Variants in RALYL observed in about 807,000 individuals in gnomAD.
RALYL encodes RNA-binding Raly-like protein.
A neutral mutation model predicts 35.1 loss-of-function variants in RALYL; 29 were observed. The ratio of observed to expected loss-of-function variants is 0.83; its 90% CI spans 0.61 to 1.13. RALYL has a LOEUF of 1.13. Among genes scored for constraint, RALYL ranks in the 50% most tolerant of loss-of-function variants. The pLI is 0.00. For synonymous variants in RALYL, 120 were observed against 127.6 expected (o/e 0.94, Z 0.40); for missense variants, 359 against 360.4 (o/e 1.00, Z 0.03).
intron 1 of RALYL, among the ~76,000 whole-genome samples, chr8:84,311,349 C>A (rs571890997): frequency 6.6e-6 from 1 of 152,034 alleles, no homozygotes; most frequent in Admixed American, 6.5e-5. Context: ...TAAGCATTAT[C>A]TTATCCAATA....
At chr8:84,653,955 C>A (rs1163326534) in intron 2 of RALYL, among the ~76,000 whole-genome samples, 1 of 151,250 alleles carries the variant, frequency 6.6e-6, no homozygotes, top group African/African-American at 2.4e-5. Context: ...TTCACTTATT[C>A]TCTGTCTGCC....
chr8:84,492,846 T>A (rs2055499967), intron 1 of RALYL, among the ~76,000 whole-genome samples: 1 of 147,502 alleles, frequency 6.8e-6, no homozygotes, highest in South Asian at 2.1e-4. Flanking sequence ...TTCAGAAGAG[T>A]CCCATTATTT....
At chr8:84,861,956 T>C (rs572325217) in intron 5 of RALYL, among the ~76,000 whole-genome samples, 1 of 152,352 alleles carries the variant, frequency 6.6e-6, no homozygotes, top group African/African-American at 2.4e-5. Context: ...AAATCTGTTT[T>C]ACCAAGCAAA....
At chr8:84,421,061 T>C (rs1329612225) in intron 1 of RALYL, among the ~76,000 whole-genome samples, 1 of 135,834 alleles carries the variant, frequency 7.4e-6, no homozygotes, top group Non-Finnish European at 1.5e-5. Flanking sequence ...AACTTTAAAG[T>C]AGTTTTTTCC....
chr8:84,344,707 C>A (rs1213622808), intron 1 of RALYL, among the ~76,000 whole-genome samples: 2 of 151,920 alleles, frequency 1.3e-5, no homozygotes, highest in Non-Finnish European at 2.9e-5. Flanking sequence ...TTATCCCATC[C>A]CAATTCCCAT....
chr8:84,254,163 T>A (rs1436556830), intron 1 of RALYL, among the ~76,000 whole-genome samples: 1 of 152,194 alleles, frequency 6.6e-6, no homozygotes, highest in African/African-American at 2.4e-5. Flanking sequence ...ATGTTCCTTT[T>A]ACCTCATTAC....
rs1588026685 is a variant in RALYL at position 84,532,452 on chromosome 8, C to T, written c.256+2875C>T. ...ACTTGCTTCTTGAGTTTTTTGATTC[C>T]CAAGTAAACTCTTTCTAATCTGCCC... On this transcript the variant is annotated intron_variant, in intron 2 of 8. Coordinates refer to ENST00000521268, the MANE Select transcript of RALYL (RefSeq NM_173848.7). Among the ~76,000 whole-genome samples the T allele has an allele frequency of 2.6e-5, 4 of 151,792 alleles. No individual in the cohort carries two copies. The South Asian group carries it at 6.2e-4, about 24-fold the overall frequency.
chr8:84,892,354 A>G (rs1390046097), intron 8 of RALYL, among the ~76,000 whole-genome samples: 1 of 152,188 alleles, frequency 6.6e-6, no homozygotes. Flanking sequence ...TCACGCCTGT[A>G]ATCCTAGCAC....
At chr8:84,875,292 G>A (rs940544988) in intron 7 of RALYL, among the ~76,000 whole-genome samples, 2 of 152,010 alleles carry the variant, frequency 1.3e-5, no homozygotes, top group Non-Finnish European at 2.9e-5. Context: ...AAGGATTATG[G>A]AGAACTCATT....
chr8:84,634,665 A>G (rs1029044386), intron 2 of RALYL, among the ~76,000 whole-genome samples: 2 of 151,840 alleles, frequency 1.3e-5, no homozygotes, highest in African/African-American at 4.8e-5. Context: ...GAAATATTCT[A>G]GGATTAAAGT....
intron 4 of RALYL, among the ~76,000 whole-genome samples, chr8:84,831,688 T>A (rs1007205578): frequency 1.3e-5 from 2 of 152,118 alleles, no homozygotes; most frequent in South Asian, 4.1e-4. Flanking sequence ...TGAGATTTTT[T>A]AAAAATTTTG....
intron 1 of RALYL, among the ~76,000 whole-genome samples, chr8:84,506,896 A>G (rs941937760): frequency 6.6e-6 from 1 of 152,050 alleles, no homozygotes. Context: ...TAACAAAGGT[A>G]ATGAAAGTTT....
chr8:84,844,556 T>C (rs1161411131), intron 4 of RALYL, among the ~76,000 whole-genome samples: 1 of 152,220 alleles, frequency 6.6e-6, no homozygotes, highest in Non-Finnish European at 1.5e-5. Flanking sequence ...TGGAAGTCAG[T>C]GTGGCAATTC....
At chr8:84,380,119 C>T (rs920757090) in intron 1 of RALYL, among the ~76,000 whole-genome samples, 8 of 150,944 alleles carry the variant, frequency 5.3e-5, no homozygotes, top group African/African-American at 1.5e-4. Flanking sequence ...AAAGAGCATG[C>T]GTTTTGGTTT....
rs149442692 is a variant in RALYL at position 84,282,525 on chromosome 8, A to AG, written c.-24+98105dup. ...AAAAAGGCAGGAGGAGGTAGGGATG[A>AG]GGGGTGGTTCATAATTTTAAGGCTC... is the stretch of plus-strand genomic sequence containing the variant. On this transcript the variant is annotated intron_variant, in intron 1 of 8. Coordinates refer to ENST00000521268, the MANE Select transcript of RALYL (RefSeq NM_173848.7). 1.2e-3 allele frequency among the ~76,000 whole-genome samples: 185 copies of AG among 152,070 alleles called. 1 individual carries two copies. In the East Asian group the frequency reaches 0.026, roughly 21 times the overall value.
intron 2 of RALYL, among the ~76,000 whole-genome samples, chr8:84,577,643 TG>T (rs1422214275): frequency 6.6e-6 from 1 of 152,206 alleles, no homozygotes; most frequent in Non-Finnish European, 1.5e-5. Context: ...TTGAGATTTT[TG>T]TCTAAAGATT....
intron 7 of RALYL, among the ~76,000 whole-genome samples, chr8:84,886,394 T>A (rs1021484676): frequency 6.6e-6 from 1 of 152,068 alleles, no homozygotes; most frequent in Admixed American, 6.6e-5. Flanking sequence ...TCTCACGTTA[T>A]GAAAAAGACC....
At chr8:84,429,490 A>C (rs11321896) in intron 1 of RALYL, among the ~76,000 whole-genome samples, 1 of 64,080 alleles carries the variant, frequency 1.6e-5, no homozygotes, top group African/African-American at 4.6e-5. Context: ...TGCTTTTTCC[A>C]GAAAAATAAA....
intron 1 of RALYL, among the ~76,000 whole-genome samples, chr8:84,209,282 A>C (rs1261460252): frequency 1.3e-5 from 2 of 152,046 alleles, no homozygotes; most frequent in African/African-American, 4.8e-5. Context: ...AACAAAACAT[A>C]AGTGCTGGTT....
Sources: allele counts gnomAD v4.1 joint callset (sites outside exome capture counted in the v4.1 genomes callset), GRCh38; gene constraint gnomAD v4.1.1; transcripts MANE v1.5; gene names NCBI Gene and HGNC (gene_info 2026-07-23, HGNC 2026-07-21).